The following ARHGAP31 variants were observed in gnomAD, a reference collection of about 807,000 sequenced individuals.
ARHGAP31 encodes rho GTPase-activating protein 31.
Under a neutral mutation model 113.9 loss-of-function variants are expected in ARHGAP31, and 34 were observed. The ratio of observed to expected loss-of-function variants is 0.30; its 90% CI spans 0.23 to 0.40. ARHGAP31 has a LOEUF of 0.40. Among genes scored for constraint, ARHGAP31 ranks in the 10% least tolerant of loss-of-function variants. The probability of loss-of-function intolerance (pLI) is 1.00; values close to 1 mark genes in which losing one functional copy is unlikely to be tolerated. For synonymous variants in ARHGAP31, 650 were observed against 684.8 expected (o/e 0.95, Z 0.79); for missense variants, 1,548 against 1,767.1 (o/e 0.88, Z 2.22).
intron 1 of ARHGAP31, among the ~76,000 whole-genome samples, chr3:119,298,032 T>C (rs2079548703): frequency 6.6e-6 from 1 of 152,084 alleles, no homozygotes; most frequent in Admixed American, 6.5e-5. Flanking sequence ...CAGGGGGGCC[T>C]GATATCCAGG....
At chr3:119,320,509 TATCCTGATAAATACAGTAAACCC>T (rs1262891354) in intron 1 of ARHGAP31, among the ~76,000 whole-genome samples, 1 of 152,196 alleles carries the variant, frequency 6.6e-6, no homozygotes, top group Non-Finnish European at 1.5e-5. Context: ...TAAAAAATAT[TATCCTGATAAATACAGTAAACCC>T]ATTGTAAACA....
chr3:119,368,173 T>C (rs992024896), intron 2 of ARHGAP31, among the ~76,000 whole-genome samples, 199 bp from the exon 3 acceptor site: 1 of 152,186 alleles, frequency 6.6e-6, no homozygotes, highest in Non-Finnish European at 1.5e-5. Context: ...ACAGCAGATT[T>C]TGCAAGAAGA....
At chr3:119,306,446 A>G (rs1195021667) in intron 1 of ARHGAP31, among the ~76,000 whole-genome samples, 1 of 152,222 alleles carries the variant, frequency 6.6e-6, no homozygotes, top group Non-Finnish European at 1.5e-5. Context: ...AATCCCAGCT[A>G]CATGGGAGGC....
chr3:119,393,324 T>C, intron 7 of ARHGAP31, 143 bp from the exon 8 acceptor site: 1 of 1,118,508 alleles, frequency 8.9e-7, no homozygotes, highest in South Asian at 1.3e-5. Context: ...GAATCAAGCT[T>C]ACCTTGGATT....
intron 1 of ARHGAP31, among the ~76,000 whole-genome samples, chr3:119,304,696 C>T (rs1391104618): frequency 6.6e-6 from 1 of 152,048 alleles, no homozygotes; most frequent in African/African-American, 2.4e-5. Context: ...CTTATCTTGG[C>T]TTTGTCTATC....
chr3:119,295,444 G>A (rs2079524909), intron 1 of ARHGAP31, among the ~76,000 whole-genome samples: 1 of 136,980 alleles, frequency 7.3e-6, no homozygotes, highest in Non-Finnish European at 1.5e-5. Context: ...AATTTCGTCT[G>A]CTCACATCTT....
At chr3:119,322,932 C>T (rs2079805407) in intron 1 of ARHGAP31, among the ~76,000 whole-genome samples, 1 of 152,210 alleles carries the variant, frequency 6.6e-6, no homozygotes, top group African/African-American at 2.4e-5. Context: ...CCCTCCTGAA[C>T]TCCCGTTCCA....
Position 119,351,385 on chromosome 3 carries a change from T to C in ARHGAP31, c.101-13931T>C, listed in dbSNP as rs75669012. The stretch of plus-strand genomic sequence containing the variant: ...CTTGGTTTCCCTAGTGTGGAGGTTA[T>C]GCTTATAAAATGTACTGGAAAGTGC... On this transcript the variant is annotated intron_variant, in intron 1 of 11. Coordinates refer to ENST00000264245, the MANE Select transcript of ARHGAP31 (RefSeq NM_020754.4). Among the ~76,000 whole-genome samples, 925 of 152,300 alleles carry C rather than the reference T, an allele frequency of 6.1e-3. 11 individuals carry two copies. The highest frequency in any genetic ancestry group is 0.021 in the African/African-American group (864 of 41,558).
chr3:119,337,301 G>GT (rs2079963160), intron 1 of ARHGAP31, among the ~76,000 whole-genome samples: 1 of 152,106 alleles, frequency 6.6e-6, no homozygotes, highest in Non-Finnish European at 1.5e-5. Context: ...AGACCTTTGC[G>GT]TTGAGTGTTA....
Position 119,415,914 on chromosome 3 carries a change from C to A in ARHGAP31, c.3985C>A (p.Pro1329Thr). The A allele has an allele frequency of 6.2e-7, 1 of 1,614,196 alleles. No individual in the cohort carries two copies. The highest frequency in any genetic ancestry group is 8.5e-7 in the Non-Finnish European group (1 of 1,180,026). Residue 1329 changes from proline (P) to threonine (T), a missense_variant, in exon 12 of 12, where the codon CCA becomes ACA. Coordinates refer to ENST00000264245, the MANE Select transcript of ARHGAP31 (RefSeq NM_020754.4). ...CCTTCTTTCTTCAAAACTAGAGCGA[C>A]CATCTGGGGGTTCTAAGCCTTTCCA... ...DNLLSSKLERPSGGSKPFHRS... is the reference protein window; with the variant it reads ...DNLLSSKLERTSGGSKPFHRS...
Position 119,310,180 on chromosome 3 carries a change from G to A in ARHGAP31, c.100+15176G>A, listed in dbSNP as rs75734437. On this transcript the variant is annotated intron_variant, in intron 1 of 11. Coordinates refer to ENST00000264245, the MANE Select transcript of ARHGAP31 (RefSeq NM_020754.4). ...AGCTAGAGAACAATAGATCACATTG[G>A]GTAATTGAATGCCTTGGCCACACAG... Among the ~76,000 whole-genome samples, 1,229 of 152,216 alleles carry A rather than the reference G, an allele frequency of 8.1e-3. 12 individuals are homozygous for A. The highest frequency in any genetic ancestry group is 0.027 in the African/African-American group (1,115 of 41,522).
At chr3:119,317,805 G>A (rs9861372) in intron 1 of ARHGAP31, among the ~76,000 whole-genome samples, 59,440 of 151,940 alleles carry the variant, frequency 0.39, 11,833 homozygotes, top group Non-Finnish European at 0.41. Context: ...AAGTACTACT[G>A]TGACATGGGG....
At chr3:119,361,322 A>C (rs1164836573) in intron 1 of ARHGAP31, among the ~76,000 whole-genome samples, 2 of 151,722 alleles carry the variant, frequency 1.3e-5, no homozygotes, top group Non-Finnish European at 2.9e-5. Context: ...GATTTTATGC[A>C]CATTAAGGTA....
At chr3:119,296,048 A>C (rs568256330) in intron 1 of ARHGAP31, among the ~76,000 whole-genome samples, 1 of 152,226 alleles carries the variant, frequency 6.6e-6, no homozygotes, top group Non-Finnish European at 1.5e-5. Context: ...GGGAAAACTA[A>C]GGGCTGTGTA....
intron 1 of ARHGAP31, among the ~76,000 whole-genome samples, chr3:119,330,321 C>T (rs1347452661): frequency 6.6e-6 from 1 of 152,216 alleles, no homozygotes; most frequent in Non-Finnish European, 1.5e-5. Context: ...ATGCCATCAG[C>T]TCAGTGTGCG....
chr3:119,353,095 A>G (rs2080125007), intron 1 of ARHGAP31, among the ~76,000 whole-genome samples: 1 of 152,218 alleles, frequency 6.6e-6, no homozygotes, highest in South Asian at 2.1e-4. Flanking sequence ...CTCACATCAT[A>G]TCAAATCATT....
chr3:119,401,304 G>A (rs2107640306), intron 9 of ARHGAP31, among the ~76,000 whole-genome samples: 1 of 152,274 alleles, frequency 6.6e-6, no homozygotes, highest in African/African-American at 2.4e-5. Flanking sequence ...GTTGTTAATA[G>A]CATTTGTTTC....
chr3:119,337,489 T>G (rs550500473), intron 1 of ARHGAP31, among the ~76,000 whole-genome samples: 1 of 152,216 alleles, frequency 6.6e-6, no homozygotes, highest in Non-Finnish European at 1.5e-5. Flanking sequence ...AGAACAAAGC[T>G]TCCACAATAC....
At chr3:119,363,687 G>A (rs527993574) in intron 1 of ARHGAP31, among the ~76,000 whole-genome samples, 72 of 152,260 alleles carry the variant, frequency 4.7e-4, no homozygotes, top group Admixed American at 3.7e-3. Context: ...AATGCCTTGC[G>A]TCTACCCACA....
Sources: allele counts gnomAD v4.1 joint callset (sites outside exome capture counted in the v4.1 genomes callset), GRCh38; gene constraint gnomAD v4.1.1; transcripts MANE v1.5; gene names NCBI Gene and HGNC (gene_info 2026-07-23, HGNC 2026-07-21).